KRABD2: variants seen among roughly 807,000 people sequenced by gnomAD.
The protein encoded by KRABD2 is KRAB domain containing 2, also known as KRAB domain-containing protein 2.
the KRABD2 span, chr17:8,371,462 T>A: frequency 6.2e-7 from 1 of 1,613,932 alleles, no homozygotes; most frequent in South Asian, 1.1e-5. Context: ...CATATAGTCT[T>A]GGGGCCTGGG....
At chr17:8,363,766 A>G in the KRABD2 span, among the ~76,000 whole-genome samples, 4 of 147,996 alleles carry the variant, frequency 2.7e-5, no homozygotes, top group Admixed American at 1.4e-4. Flanking sequence ...ACATATATAT[A>G]TCATACATAT....
At chr17:8,366,202 CATTT>C in the KRABD2 span, among the ~76,000 whole-genome samples, 1 of 152,108 alleles carries the variant, frequency 6.6e-6, no homozygotes, top group East Asian at 1.9e-4. Flanking sequence ...TCTGTAGAAT[CATTT>C]ATTCATTAAA....
At chr17:8,360,752 T>TA in the KRABD2 span, among the ~76,000 whole-genome samples, 3 of 151,658 alleles carry the variant, frequency 2.0e-5, no homozygotes, top group Admixed American at 1.3e-4. Flanking sequence ...AATCACAAAC[T>TA]AAAAAAAACA....
the KRABD2 span, chr17:8,376,187 T>A: frequency 8.1e-7 from 1 of 1,231,616 alleles, no homozygotes; most frequent in Non-Finnish European, 1.0e-6. Flanking sequence ...CAAAAGATGT[T>A]TAAAGGACAT....
chr17:8,369,557 G>GTACTTACCA, the KRABD2 span: 1 of 1,614,176 alleles, frequency 6.2e-7, no homozygotes, highest in Admixed American at 1.7e-5. Flanking sequence ...GGCCAGGGTG[G>GTACTTACCA]TACTTACCAG....
chr17:8,361,088 G>T, the KRABD2 span, among the ~76,000 whole-genome samples: 2 of 152,158 alleles, frequency 1.3e-5, no homozygotes, highest in African/African-American at 4.8e-5. Flanking sequence ...TACCCCTAGA[G>T]CTGCAGACAA....
the KRABD2 span, among the ~76,000 whole-genome samples, chr17:8,372,591 C>T: frequency 6.2e-4 from 95 of 152,268 alleles, 1 homozygote; most frequent in African/African-American, 2.2e-3. The surrounding 1 kb of genome is among the most constrained non-coding windows in gnomAD (Gnocchi z 4.1). Context: ...CACACCCAGC[C>T]GGTCCTACTA....
chr17:8,369,706 G>A, the KRABD2 span: 1 of 1,614,206 alleles, frequency 6.2e-7, no homozygotes, highest in Non-Finnish European at 8.5e-7. Context: ...ACCACCTCAT[G>A]GGCCTGTTTG....
chr17:8,369,898 G>A, the KRABD2 span: 3 of 1,614,062 alleles, frequency 1.9e-6, no homozygotes, highest in African/African-American at 4.0e-5. Context: ...TTCTTCTGGT[G>A]GCACTGTTTA....
chr17:8,364,267 A>C, the KRABD2 span, among the ~76,000 whole-genome samples: 1 of 152,216 alleles, frequency 6.6e-6, no homozygotes, highest in African/African-American at 2.4e-5. This position sits in a 1 kb window ranked among gnomAD's most constrained non-coding sequence, Gnocchi z 4.4. Context: ...CCATTAACTG[A>C]ATAATACAAC....
At chr17:8,376,476 CG>C in the KRABD2 span, 1 of 1,013,436 alleles carries the variant, frequency 9.9e-7, no homozygotes. Flanking sequence ...TCCTGAGGAC[CG>C]GGCTGGGATG....
the KRABD2 span, chr17:8,368,904 TG>T: frequency 1.6e-6 from 1 of 622,690 alleles, no homozygotes; most frequent in Non-Finnish European, 2.5e-6. Context: ...ACCAAAGTGC[TG>T]GGATTACGGG....
At chr17:8,365,112 T>G in the KRABD2 span, among the ~76,000 whole-genome samples, 1 of 152,172 alleles carries the variant, frequency 6.6e-6, no homozygotes, top group Non-Finnish European at 1.5e-5. Context: ...CACCGGTTAG[T>G]GACCTCTATT....
the KRABD2 span, among the ~76,000 whole-genome samples, chr17:8,366,621 TAC>T: frequency 1.1e-4 from 16 of 152,342 alleles, no homozygotes; most frequent in African/African-American, 3.6e-4. Context: ...GGATGGCACA[TAC>T]AGTTTCTCCT....
chr17:8,361,092 C>T, the KRABD2 span, among the ~76,000 whole-genome samples: 7 of 152,142 alleles, frequency 4.6e-5, no homozygotes, highest in Non-Finnish European at 7.3e-5. Flanking sequence ...CCTAGAGCTG[C>T]AGACAAGCAG....
chr17:8,374,580 T>C, the KRABD2 span, among the ~76,000 whole-genome samples: 1 of 139,288 alleles, frequency 7.2e-6, no homozygotes, highest in South Asian at 2.2e-4. Flanking sequence ...CCTATGACCG[T>C]GCCAAATCCC....
the KRABD2 span, among the ~76,000 whole-genome samples, chr17:8,363,825 TCATA>T: frequency 1.6e-3 from 121 of 74,228 alleles, 2 homozygotes; most frequent in South Asian, 9.2e-3. Context: ...CATATATATA[TCATA>T]CATATATATA....
chr17:8,366,500 G>A, the KRABD2 span, among the ~76,000 whole-genome samples: 2 of 152,232 alleles, frequency 1.3e-5, no homozygotes, highest in Non-Finnish European at 2.9e-5. Context: ...TTGAGACACA[G>A]ACAAGTGGCA....
the KRABD2 span, among the ~76,000 whole-genome samples, chr17:8,374,937 CAA>C: frequency 1.9e-3 from 89 of 46,160 alleles, no homozygotes; most frequent in Middle Eastern, 0.036. Flanking sequence ...GACTCTGTCA[CAA>C]AAAAAAAAAA....
Sources: allele counts gnomAD v4.1 joint callset (sites outside exome capture counted in the v4.1 genomes callset), GRCh38; gene constraint gnomAD v4.1.1; non-coding constraint Gnocchi (gnomAD v3.1); transcripts MANE v1.5; gene names NCBI Gene and HGNC (gene_info 2026-07-23, HGNC 2026-07-21).